PRKCQ: variants seen among roughly 807,000 people sequenced by gnomAD.
The protein encoded by PRKCQ is protein kinase C theta type.
In PRKCQ, 41 loss-of-function variants were observed where a neutral mutation model predicts 91.2. The ratio of observed to expected loss-of-function variants is 0.45; its 90% CI spans 0.35 to 0.58. The LOEUF is 0.58. Ranked by LOEUF, PRKCQ falls within the 20% of genes least tolerant of loss-of-function variation. The pLI is 0.00. For missense variants in PRKCQ, 673 were observed against 896.5 expected (o/e 0.75, Z 3.18); for synonymous variants, 307 against 316.9 (o/e 0.97, Z 0.33).
rs544017379 is a variant in PRKCQ at position 6,535,148 on chromosome 10, C to CA, written c.-9-20005dup. Among the ~76,000 whole-genome samples the CA allele has an allele frequency of 2.6e-5, 4 of 152,258 alleles. No individual in the cohort carries two copies. The South Asian group carries it at 8.3e-4, about 32-fold the overall frequency. ...CTCTGACACTAGTTTCTTTCCACTA[C>CA]AAGACCTCTCTGTTCACCTGGTCCC... On this transcript the variant is annotated intron_variant, in intron 1 of 17. Coordinates refer to ENST00000263125, the MANE Select transcript of PRKCQ (RefSeq NM_006257.5).
intron 14 of PRKCQ, among the ~76,000 whole-genome samples, chr10:6,457,088 C>T (rs1478161435): frequency 1.3e-5 from 2 of 152,136 alleles, no homozygotes; most frequent in African/African-American, 4.8e-5. Flanking sequence ...CCCTTGATCC[C>T]AGGACTTTCC....
At chr10:6,520,013 T>C (rs1478529732) in intron 1 of PRKCQ, among the ~76,000 whole-genome samples, 1 of 152,220 alleles carries the variant, frequency 6.6e-6, no homozygotes, top group Non-Finnish European at 1.5e-5. Flanking sequence ...CCTGGTGGTC[T>C]ATTGTGTAAC....
At chr10:6,496,795 C>T (rs1485156391) in intron 7 of PRKCQ, among the ~76,000 whole-genome samples, 2 of 152,122 alleles carry the variant, frequency 1.3e-5, no homozygotes, top group Non-Finnish European at 2.9e-5. Flanking sequence ...CTGCCTCAAC[C>T]TCCTGAGTAG....
At chr10:6,494,185 C>T (rs621289) in intron 7 of PRKCQ, among the ~76,000 whole-genome samples, 150,399 of 152,316 alleles carry the variant, frequency 0.99, 74,283 homozygotes, top group East Asian at 1. Flanking sequence ...GCTCCACACC[C>T]ATCCCCATCA....
the PRKCQ span, among the ~76,000 whole-genome samples, chr10:6,405,500 C>T: frequency 6.6e-6 from 1 of 152,284 alleles, no homozygotes; most frequent in Admixed American, 6.5e-5. Flanking sequence ...CAATAACTTA[C>T]GTGTTTATTA....
At chr10:6,479,845 C>T (rs901235872) in intron 11 of PRKCQ, among the ~76,000 whole-genome samples, 1 of 147,842 alleles carries the variant, frequency 6.8e-6, no homozygotes, top group African/African-American at 2.5e-5. Context: ...CCCAGCTACT[C>T]GGGAGGCTGA....
chr10:6,545,274 A>C (rs9645607), intron 1 of PRKCQ, among the ~76,000 whole-genome samples: 1 of 152,212 alleles, frequency 6.6e-6, no homozygotes, highest in Non-Finnish European at 1.5e-5. Context: ...AAAGCACTGC[A>C]CTGGGCGCTG....
At chr10:6,409,355 C>T in the PRKCQ span, among the ~76,000 whole-genome samples, 2 of 152,304 alleles carry the variant, frequency 1.3e-5, no homozygotes, top group South Asian at 4.1e-4. Flanking sequence ...AGTGTAATGG[C>T]ACGATCTCGG....
chr10:6,573,187 A>G (rs1236225076), intron 1 of PRKCQ, among the ~76,000 whole-genome samples: 2 of 152,238 alleles, frequency 1.3e-5, no homozygotes, highest in Admixed American at 6.5e-5. Context: ...ATTGCCCACT[A>G]GTAGACTGTG....
chr10:6,449,457 T>C (rs1020438246), intron 15 of PRKCQ, among the ~76,000 whole-genome samples: 2 of 152,122 alleles, frequency 1.3e-5, no homozygotes, highest in Admixed American at 6.5e-5. Flanking sequence ...CTGTGTCTGA[T>C]TGGTGTACCT....
chr10:6,468,299 T>C (rs939784867), intron 12 of PRKCQ, among the ~76,000 whole-genome samples: 6 of 152,246 alleles, frequency 3.9e-5, no homozygotes, highest in African/African-American at 1.2e-4. Flanking sequence ...ACCTAGCTTC[T>C]ACACTGCTTT....
At chr10:6,540,706 C>G (rs1839746710) in intron 1 of PRKCQ, among the ~76,000 whole-genome samples, 1 of 152,160 alleles carries the variant, frequency 6.6e-6, no homozygotes. Flanking sequence ...GTTTAGTGTA[C>G]AAGTATCTCA....
intron 1 of PRKCQ, among the ~76,000 whole-genome samples, chr10:6,546,109 G>T (rs993317032): frequency 9.2e-5 from 14 of 152,238 alleles, no homozygotes; most frequent in Non-Finnish European, 1.8e-4. Flanking sequence ...AGGACCTACA[G>T]CTAGTAAGTG....
chr10:6,521,021 T>C (rs867416629), intron 1 of PRKCQ, among the ~76,000 whole-genome samples: 1 of 152,218 alleles, frequency 6.6e-6, no homozygotes, highest in Non-Finnish European at 1.5e-5. Flanking sequence ...CAATTTCCCT[T>C]TGTGATCACA....
At chr10:6,488,004 C>CAAAA (rs774276182) in intron 8 of PRKCQ, among the ~76,000 whole-genome samples, 6 of 113,258 alleles carry the variant, frequency 5.3e-5, no homozygotes, top group African/African-American at 2.1e-4. Flanking sequence ...GACTGTGTCT[C>CAAAA]AAAAAAAAAA....
At chr10:6,525,696 G>A (rs559974150) in intron 1 of PRKCQ, among the ~76,000 whole-genome samples, 1 of 152,296 alleles carries the variant, frequency 6.6e-6, no homozygotes, top group Admixed American at 6.5e-5. Flanking sequence ...TCCACGAGCA[G>A]GAGAAAAGAA....
At chr10:6,419,872 A>G in the PRKCQ span, among the ~76,000 whole-genome samples, 18 of 152,014 alleles carry the variant, frequency 1.2e-4, no homozygotes, top group Non-Finnish European at 1.6e-4. Context: ...TATTTTTAGT[A>G]GAGACGGGGT....
At chr10:6,544,058 C>T (rs1839865625) in intron 1 of PRKCQ, among the ~76,000 whole-genome samples, 1 of 152,196 alleles carries the variant, frequency 6.6e-6, no homozygotes, top group South Asian at 2.1e-4. Context: ...AAGTTCATTA[C>T]ATCATGTATC....
At chr10:6,573,711 T>C (rs1841124734) in intron 1 of PRKCQ, among the ~76,000 whole-genome samples, 1 of 152,198 alleles carries the variant, frequency 6.6e-6, no homozygotes, top group South Asian at 2.1e-4. Flanking sequence ...AACCACCAGA[T>C]AGAAATTTTT....
Sources: allele counts gnomAD v4.1 joint callset (sites outside exome capture counted in the v4.1 genomes callset), GRCh38; gene constraint gnomAD v4.1.1; transcripts MANE v1.5; gene names NCBI Gene and HGNC (gene_info 2026-07-23, HGNC 2026-07-21).